The following TMEM117 variants were observed in gnomAD, a reference collection of about 807,000 sequenced individuals.
TMEM117 encodes transmembrane protein 117.
A neutral mutation model predicts 52.4 loss-of-function variants in TMEM117; 27 were observed. The ratio of observed to expected loss-of-function variants is 0.51; its 90% CI spans 0.38 to 0.71. The LOEUF (loss-of-function observed/expected upper bound fraction) is 0.71. Ranked by LOEUF, TMEM117 falls within the 30% of genes least tolerant of loss-of-function variation. TMEM117 has a pLI of 0.00. For synonymous variants in TMEM117, 215 were observed against 206.3 expected (o/e 1.04, Z -0.36); for missense variants, 556 against 630.5 (o/e 0.88, Z 1.26).
In TMEM117 at chr12:43,844,685, C is replaced by T. The variant is rs751292664; in HGVS notation, c.34C>T (p.Pro12Ser). 1.9e-6 allele frequency: 3 copies of T among 1,613,962 alleles called. No individual in the cohort carries two copies. The highest frequency in any genetic ancestry group is 2.5e-6 in the Non-Finnish European group (3 of 1,180,028). The stretch of plus-strand genomic sequence containing the variant: ...AGACTTTCGTTACTATTTCCAGCAT[C>T]CCTGGTCTCGCATGATTGTGGCTTA... ...GKDFRYYFQH[P>S]WSRMIVAYLV... The change falls in exon 2 of 8, where the codon CCC becomes TCC. Residue 12 changes from proline to serine, a missense_variant. Pro to Ser is a moderately conservative substitution (Grantham distance 74). Around this residue, in one of 3 missense-constraint regions of TMEM117, gnomAD observed 328 missense variants for 371.4 expected, o/e 0.88. Coordinates refer to ENST00000266534, the MANE Select transcript of TMEM117 (RefSeq NM_032256.3).
chr12:44,009,197 C>A, intron 3 of TMEM117: 1 of 269,938 alleles, frequency 3.7e-6, no homozygotes, highest in South Asian at 3.8e-5. Context: ...ATGATTTTCC[C>A]TGCCTGTTGT....
chr12:43,896,597 C>T (rs1307613806), intron 2 of TMEM117, among the ~76,000 whole-genome samples: 1 of 149,294 alleles, frequency 6.7e-6, no homozygotes, highest in African/African-American at 2.4e-5. Flanking sequence ...TTGTAACAGT[C>T]ACTTCTAGGT....
At chr12:44,278,323 G>A (rs1950539930) in intron 5 of TMEM117, among the ~76,000 whole-genome samples, 1 of 152,120 alleles carries the variant, frequency 6.6e-6, no homozygotes, top group African/African-American at 2.4e-5. Context: ...ACTAGTATCT[G>A]GGGCAAGCAA....
chr12:44,169,815 G>A (rs1428192647), intron 4 of TMEM117, among the ~76,000 whole-genome samples: 4 of 152,120 alleles, frequency 2.6e-5, no homozygotes, highest in African/African-American at 9.7e-5. Context: ...AGAGGACGTG[G>A]AGAAATAGGA....
intron 6 of TMEM117, among the ~76,000 whole-genome samples, chr12:44,331,526 G>T (rs938933639): frequency 6.6e-6 from 1 of 152,028 alleles, no homozygotes; most frequent in Non-Finnish European, 1.5e-5. Flanking sequence ...GCTTTCAAGT[G>T]ATAAGATAAG....
Position 44,388,141 on chromosome 12 carries a change from G to A in TMEM117, c.1014G>A (p.Gln338=). The change falls in exon 8 of 8, where the codon CAG becomes CAA. Residue 338 remains glutamine (Q), a synonymous_variant. Coordinates refer to ENST00000266534, the MANE Select transcript of TMEM117 (RefSeq NM_032256.3). The stretch of plus-strand genomic sequence containing the variant: ...ATGGGCAATATATCGGCCCGGGGCA[G>A]AAGATATATACAGTGAAAGACTCAG... ...HEYGQYIGPG[Q]KIYTVKDSES... is the part of the protein sequence containing the mutation. The A allele has an allele frequency of 6.2e-7, 1 of 1,613,230 alleles. No homozygotes were observed. Among genetic ancestry groups the A allele is most frequent in the Non-Finnish European group, 8.5e-7 (1 of 1,179,578 alleles).
chr12:43,946,124 G>A (rs2137621021), intron 3 of TMEM117, among the ~76,000 whole-genome samples: 1 of 152,228 alleles, frequency 6.6e-6, no homozygotes, highest in African/African-American at 2.4e-5. Context: ...TGTTTTGAAG[G>A]CTGTAACCTA....
At chr12:44,349,561 C>G (rs2138775023) in intron 6 of TMEM117, among the ~76,000 whole-genome samples, 1 of 152,116 alleles carries the variant, frequency 6.6e-6, no homozygotes, top group African/African-American at 2.4e-5. Context: ...AGATCCACTT[C>G]AGAGTGCTGA....
intron 3 of TMEM117, among the ~76,000 whole-genome samples, chr12:44,115,066 G>T (rs889166521): frequency 8.6e-5 from 13 of 151,992 alleles, no homozygotes; most frequent in African/African-American, 2.7e-4. Flanking sequence ...TTCAGGATTG[G>T]CAAATATGTA....
At chr12:44,209,527 A>C (rs1434533215) in intron 4 of TMEM117, among the ~76,000 whole-genome samples, 1 of 152,162 alleles carries the variant, frequency 6.6e-6, no homozygotes, top group Non-Finnish European at 1.5e-5. Flanking sequence ...TCACATTTAT[A>C]TAGTGATTGA....
chr12:44,334,276 A>G (rs771936733), intron 6 of TMEM117, among the ~76,000 whole-genome samples: 13 of 152,086 alleles, frequency 8.5e-5, no homozygotes, highest in Non-Finnish European at 1.8e-4. Flanking sequence ...TATTCAATGT[A>G]GGGCTTTTTA....
chr12:43,859,055 TCA>T lies in TMEM117; in HGVS notation c.277+14128_277+14129del, dbSNP rs142769199. ...AGGAGTTTGTGGGAATCATAGAATC[TCA>T]GAGTGAATGGAATTGGTGAGAGCTT... On this transcript the variant is annotated intron_variant, in intron 2 of 7. Transcript: ENST00000266534. 7.6e-3 allele frequency among the ~76,000 whole-genome samples: 1,156 copies of T among 152,258 alleles called. 13 individuals carry two copies. The highest frequency in any genetic ancestry group is 0.025 in the African/African-American group (1,053 of 41,548).
intron 6 of TMEM117, among the ~76,000 whole-genome samples, chr12:44,321,098 T>C (rs545131771): frequency 2.0e-5 from 3 of 152,246 alleles, no homozygotes; most frequent in Non-Finnish European, 4.4e-5. Context: ...GATAATTGTA[T>C]TTGAATTGAT....
Position 44,330,880 on chromosome 12 carries a change from A to G in TMEM117, c.768+31141A>G, listed in dbSNP as rs1176636246. Among the ~76,000 whole-genome samples, 3 of 152,112 alleles carry G rather than the reference A, an allele frequency of 2.0e-5. 1 individual carries two copies. Among genetic ancestry groups the G allele is most frequent in the Admixed American group, 2.0e-4 (3 of 15,236 alleles). Reference sequence around the variant, plus strand: ...CCTCCTTCTGGATAGAAGTAGCAACAGGGTCTCACTATTTTGTTATATTAC... The same window carrying G: ...CCTCCTTCTGGATAGAAGTAGCAACGGGGTCTCACTATTTTGTTATATTAC... On this transcript the variant is annotated intron_variant, in intron 6 of 7. Transcript: ENST00000266534.
At chr12:44,053,537 TCA>T (rs1947007731) in intron 3 of TMEM117, among the ~76,000 whole-genome samples, 1 of 152,178 alleles carries the variant, frequency 6.6e-6, no homozygotes, top group Non-Finnish European at 1.5e-5. Flanking sequence ...GTGATTGATC[TCA>T]ATCTCTAGTC....
Position 43,971,386 on chromosome 12 carries a change from C to T in TMEM117, c.410+27044C>T, listed in dbSNP as rs1006885692. Among the ~76,000 whole-genome samples, 10 of 152,156 alleles carry T rather than the reference C, an allele frequency of 6.6e-5. No homozygotes were observed. In the East Asian group the frequency reaches 7.7e-4, roughly 12 times the overall value. ...CCGTGACTTTTACTACTCTAAGTAACGGCCCCAGCTTATCTCATTATTCTG... is the reference window on the plus strand; with the variant it reads ...CCGTGACTTTTACTACTCTAAGTAATGGCCCCAGCTTATCTCATTATTCTG... On this transcript the variant is annotated intron_variant, in intron 3 of 7. Transcript: ENST00000266534.
intron 5 of TMEM117, among the ~76,000 whole-genome samples, chr12:44,227,302 A>G (rs955140151): frequency 1.3e-5 from 2 of 152,098 alleles, no homozygotes; most frequent in East Asian, 1.9e-4. Context: ...GCAAAACCCC[A>G]TCTCTACAGA....
chr12:44,078,340 T>C (rs748511379), intron 3 of TMEM117, among the ~76,000 whole-genome samples: 18 of 152,230 alleles, frequency 1.2e-4, no homozygotes, highest in Non-Finnish European at 2.6e-4. Context: ...TAATTTGAAC[T>C]GGATCAGTTG....
At chr12:44,310,932 A>G (rs116065975) in intron 6 of TMEM117, among the ~76,000 whole-genome samples, 35 of 152,214 alleles carry the variant, frequency 2.3e-4, no homozygotes, top group African/African-American at 8.2e-4. Context: ...CTCAGCTCTC[A>G]TGTAACTCTG....
Sources: gnomAD v4.1 joint callset for allele counts (sites outside exome capture counted in the v4.1 genomes callset) on GRCh38, gnomAD v4.1.1 for gene constraint, gnomAD v4.1.1 regional missense constraint, MANE v1.5 for transcripts, NCBI Gene and HGNC (gene_info 2026-07-23, HGNC 2026-07-21) for gene names.